The following LAMA3 variants were observed in gnomAD, a reference collection of about 807,000 sequenced individuals.
LAMA3 encodes the protein laminin subunit alpha-3.
LAMA3 carries 281 observed loss-of-function variants against 402.0 expected under a neutral mutation model. The observed-to-expected ratio is 0.70, with a 90% CI of 0.63 to 0.77. The LOEUF (loss-of-function observed/expected upper bound fraction) is 0.77. Among genes scored for constraint, LAMA3 ranks in the 30% least tolerant of loss-of-function variants. The probability of loss-of-function intolerance (pLI) is 0.00; values close to 1 mark genes in which losing one functional copy is unlikely to be tolerated. For missense variants in LAMA3, 3,840 were observed against 4,215.5 expected, an observed-to-expected ratio of 0.91 and a Z score of 2.47; for synonymous variants, 1,431 against 1,558.4, an observed-to-expected ratio of 0.92 and a Z score of 1.93.
intron 35 of LAMA3, among the ~76,000 whole-genome samples, chr18:23,864,425 G>A (rs1045036138): frequency 1.3e-5 from 2 of 151,894 alleles, no homozygotes; most frequent in African/African-American, 4.8e-5. Context: ...ACAGGGTCTC[G>A]CTGTATTGCC....
Position 23,751,071 on chromosome 18 carries a change from C to A in LAMA3, c.838C>A (p.Pro280Thr). 1.9e-6 allele frequency: 3 copies of A among 1,614,114 alleles called. No individual in the cohort carries two copies. The highest frequency in any genetic ancestry group is 2.5e-6 in the Non-Finnish European group (3 of 1,179,990). The change falls in exon 5 of 75, where the codon CCA (proline) becomes ACA (threonine). Residue 280 changes from proline to threonine, a missense_variant. Transcript: ENST00000313654. ...GHLISKAQRD[P>T]TVTRRYYYSI... ...CCTCATCTCCAAAGCCCAGCGAGAT[C>A]CAACTGTCACTCGGCGGGTGAGTAG...
intron 39 of LAMA3, among the ~76,000 whole-genome samples, chr18:23,878,506 A>G (rs1598983093): frequency 6.6e-6 from 1 of 152,328 alleles, no homozygotes; most frequent in East Asian, 1.9e-4. Flanking sequence ...TCACACACAC[A>G]CGCACACACA....
chr18:23,693,903 A>C (rs1390377357), intron 1 of LAMA3, among the ~76,000 whole-genome samples: 1 of 152,212 alleles, frequency 6.6e-6, no homozygotes, highest in Non-Finnish European at 1.5e-5. Flanking sequence ...AAGTCAATGG[A>C]GCTGCCTATG....
In LAMA3 at chr18:23,842,683, A is replaced by C; in HGVS notation, c.3536A>C (p.Glu1179Ala). ...RDQVIAEGQIEFDISEPEVAA... is the reference protein window; with the variant it reads ...RDQVIAEGQIAFDISEPEVAA... ...CAAGTGATTGCCGAAGGCCAGATTG[A>C]GTTTGACATCTCAGAGCCTGAAGTG... Residue 1179 changes from glutamate (E) to alanine (A), a missense_variant, in exon 29 of 75, where the codon GAG becomes GCG. Around this residue, in one of 3 missense-constraint regions of LAMA3, gnomAD observed 2,109 missense variants for 2,376.0 expected, o/e 0.89. Transcript: ENST00000313654. 1 of 1,614,082 alleles carries C rather than the reference A, an allele frequency of 6.2e-7. No homozygotes were observed. The highest frequency in any genetic ancestry group is 8.5e-7 in the Non-Finnish European group (1 of 1,180,024).
intron 1 of LAMA3, chr18:23,710,375 A>C: frequency 6.4e-6 from 2 of 314,090 alleles, no homozygotes; most frequent in African/African-American, 2.3e-5. Flanking sequence ...TTCTCTCAAA[A>C]CCTTGTTGCT....
Position 23,862,061 on chromosome 18 carries a change from T to C in LAMA3, c.4584+254T>C, listed in dbSNP as rs1364655951. On this transcript the variant is annotated intron_variant, in intron 35 of 74. Transcript: ENST00000313654. ...TCACCCACAATGTTTTTCTCAGTTT[T>C]TACCTAATGTCAAAGAATTTTCCTC... 2.6e-5 allele frequency among the ~76,000 whole-genome samples: 4 copies of C among 152,234 alleles called. No individual in the cohort carries two copies. The East Asian group carries it at 7.7e-4, about 29-fold the overall frequency.
intron 1 of LAMA3, among the ~76,000 whole-genome samples, chr18:23,699,016 C>A (rs752544693): frequency 2.9e-5 from 4 of 139,420 alleles, no homozygotes; most frequent in Non-Finnish European, 6.1e-5. Flanking sequence ...GAGGCTGAGG[C>A]GGGCAGATAG....
In LAMA3 at chr18:23,784,024, G is replaced by T. The variant is rs1440683573; in HGVS notation, c.1470G>T (p.Gly490=). Residue 490 remains glycine, a splice_region_variant and synonymous_variant, in exon 12 of 75, where the codon GGG becomes GGT. Transcript: ENST00000313654. ...CTGAAAGTTTCCTGTCTTCTGCAGG[G>T]TGTGACTGTAATCTGGAAGGTGTTC... ...SEDPVAGDIK[G]CDCNLEGVLP... The T allele has an allele frequency of 6.2e-7, 1 of 1,614,152 alleles. No individual in the cohort carries two copies. The highest frequency in any genetic ancestry group is 2.2e-5 in the East Asian group (1 of 44,884).
At chr18:23,844,083 T>C (rs564976351) in intron 29 of LAMA3, among the ~76,000 whole-genome samples, 2 of 152,360 alleles carry the variant, frequency 1.3e-5, no homozygotes, top group East Asian at 3.9e-4. Context: ...AAGGGCTGCA[T>C]CTGTTCATTT....
At chr18:23,867,687 A>G (rs1374921971) in intron 36 of LAMA3, 147 bp from the exon 37 acceptor site, 1 of 712,522 alleles carries the variant, frequency 1.4e-6, no homozygotes. Context: ...TGTCACTAAT[A>G]TTTTTACCAG....
At chr18:23,915,457 T>A in intron 59 of LAMA3, 35 bp downstream of exon 59, 2 of 1,595,908 alleles carry the variant, frequency 1.3e-6, no homozygotes, top group South Asian at 2.2e-5. Context: ...ACTCTGTAAC[T>A]GGAGTTTTGG....
At chr18:23,927,193 C>A (rs1234504587) in intron 62 of LAMA3, among the ~76,000 whole-genome samples, 3 of 152,152 alleles carry the variant, frequency 2.0e-5, no homozygotes, top group African/African-American at 4.8e-5. Context: ...TTTTTTGAGG[C>A]AGAGTCTCGC....
chr18:23,883,281 C>T (rs1011321863), intron 40 of LAMA3, among the ~76,000 whole-genome samples: 2 of 152,134 alleles, frequency 1.3e-5, no homozygotes, highest in African/African-American at 4.8e-5. Context: ...CCAGAGTGAC[C>T]AATAGACTAC....
intron 12 of LAMA3, among the ~76,000 whole-genome samples, chr18:23,798,678 G>A (rs2062812453): frequency 6.6e-6 from 1 of 152,166 alleles, no homozygotes; most frequent in Admixed American, 6.5e-5. Flanking sequence ...AGAACATTGA[G>A]GTGATTGGTC....
At chr18:23,767,683 C>G (rs1198778603) in intron 8 of LAMA3, among the ~76,000 whole-genome samples, 1 of 149,452 alleles carries the variant, frequency 6.7e-6, no homozygotes, top group Non-Finnish European at 1.5e-5. Flanking sequence ...CAGTAATTCT[C>G]CTGCCTCAGC....
At chr18:23,883,374 C>A (rs185558952) in intron 40 of LAMA3, among the ~76,000 whole-genome samples, 1 of 152,324 alleles carries the variant, frequency 6.6e-6, no homozygotes, top group East Asian at 1.9e-4. Flanking sequence ...TTACTCATCA[C>A]AAAGGGTTCA....
chr18:23,693,524 C>T (rs2060630974), intron 1 of LAMA3, among the ~76,000 whole-genome samples: 1 of 141,974 alleles, frequency 7.0e-6, no homozygotes, highest in Admixed American at 7.2e-5. Flanking sequence ...GAGTGAGACT[C>T]TGTATCAAAA....
In LAMA3 at chr18:23,894,946, C is replaced by G; in HGVS notation, c.5501C>G (p.Ala1834Gly). 1 of 1,614,174 alleles carries G rather than the reference C, an allele frequency of 6.2e-7. No individual in the cohort carries two copies. Among genetic ancestry groups the G allele is most frequent in the South Asian group, 1.1e-5 (1 of 91,078 alleles). Residue 1834 changes from alanine (A) to glycine (G), a missense_variant, in exon 44 of 75, where the codon GCC (alanine) becomes GGC (glycine). Coordinates refer to ENST00000313654, the MANE Select transcript of LAMA3 (RefSeq NM_198129.4). ...SCVMTLLNDL[A>G]TMGEQLRLVK... ...GTGATGACCCTCCTGAACGACCTGG[C>G]CACCATGGGCGAGCAGCTCCGCCTG...
chr18:23,764,180 A>G (rs561863509), intron 8 of LAMA3, among the ~76,000 whole-genome samples: 104 of 152,318 alleles, frequency 6.8e-4, no homozygotes, highest in African/African-American at 2.3e-3. Context: ...TGAGATGCCC[A>G]TTAATATGAA....
Sources: gnomAD v4.1 joint callset for allele counts (sites outside exome capture counted in the v4.1 genomes callset) on GRCh38, gnomAD v4.1.1 for gene constraint, gnomAD v4.1.1 regional missense constraint, MANE v1.5 for transcripts, NCBI Gene and HGNC (gene_info 2026-07-23, HGNC 2026-07-21) for gene names.